The following SANBR variants were observed in gnomAD, a reference collection of about 807,000 sequenced individuals.
SANBR encodes SANT and BTB domain regulator of CSR, also known as SANT and BTB domain regulator of class switch recombination.
Under a neutral mutation model 101.8 loss-of-function variants are expected in SANBR, and 77 were observed. That is an observed-to-expected ratio of 0.76 (90% CI 0.63 to 0.91). The LOEUF (loss-of-function observed/expected upper bound fraction) is 0.91, where lower values mean the gene tolerates loss of function less well. Ranked by LOEUF, SANBR falls within the 40% of genes least tolerant of loss-of-function variation. SANBR has a pLI of 0.00. For synonymous variants in SANBR, 279 were observed against 274.7 expected, an observed-to-expected ratio of 1.02 and a Z score of -0.15; for missense variants, 875 against 853.0, an observed-to-expected ratio of 1.03 and a Z score of -0.32.
Position 61,092,600 on chromosome 2 carries a change from T to A in SANBR, c.1212+13T>A. On this transcript the variant is annotated intron_variant, in intron 11 of 21. Coordinates refer to ENST00000402291, the MANE Select transcript of SANBR (RefSeq NM_001129993.3). Reference sequence around the variant, plus strand: ...AAGATGTTATCAGGTAAGATTTTTTTTTTTAAATATCCTGCTCTGCAAATA... The same window carrying A: ...AAGATGTTATCAGGTAAGATTTTTTATTTTAAATATCCTGCTCTGCAAATA... 1 of 1,570,132 alleles carries A rather than the reference T, an allele frequency of 6.4e-7. No homozygotes were observed. Among genetic ancestry groups the A allele is most frequent in the Non-Finnish European group, 8.6e-7 (1 of 1,163,782 alleles).
chr2:61,083,034 C>A (rs1157588645), intron 7 of SANBR, 120 bp from the exon 8 acceptor site: 10 of 770,762 alleles, frequency 1.3e-5, no homozygotes, highest in Non-Finnish European at 2.1e-5. Context: ...GTGGCAAAAC[C>A]CAGTTAGTGC....
rs868324647 is a variant in SANBR at position 61,116,748 on chromosome 2, T to A, written c.1837-609T>A. ...AGCACAGGCATATAAGTGGGTTAAT[T>A]CTAAAAAAAAATTGTATCAGCTGGC... On this transcript the variant is annotated intron_variant, in intron 17 of 21. Transcript: ENST00000402291. Among the ~76,000 whole-genome samples, 6 of 151,924 alleles carry A rather than the reference T, an allele frequency of 3.9e-5. 1 individual carries two copies. Among genetic ancestry groups the A allele is most frequent in the Middle Eastern group, 3.2e-3 (1 of 316 alleles).
intron 21 of SANBR, among the ~76,000 whole-genome samples, chr2:61,135,252 T>C (rs1028125541): frequency 1.1e-4 from 16 of 152,218 alleles, no homozygotes; most frequent in African/African-American, 3.6e-4. Flanking sequence ...TGTAGGCAAC[T>C]GTCAGAATTA....
rs866446820 is a variant in SANBR, at chr2:61,073,082, A to G, written c.338-376A>G. ...TTCTGCAATTACATTGGAAATAATA[A>G]CTGGTTTTAGAAATCCTCTGAGTGT... On this transcript the variant is annotated intron_variant, in intron 4 of 21. Coordinates refer to ENST00000402291, the MANE Select transcript of SANBR (RefSeq NM_001129993.3). 3.3e-5 allele frequency among the ~76,000 whole-genome samples: 5 copies of G among 152,128 alleles called. No homozygotes were observed. The South Asian group carries it at 8.3e-4, about 25-fold the overall frequency.
chr2:61,132,632 A>G (rs1045086891), intron 20 of SANBR, among the ~76,000 whole-genome samples: 4 of 151,188 alleles, frequency 2.6e-5, no homozygotes, highest in Non-Finnish European at 5.9e-5. Context: ...AGTTAAACAT[A>G]TAGAGTTACC....
rs374065893 is a variant in SANBR at position 61,123,998 on chromosome 2, G to T, written c.*1836G>T. The T allele has an allele frequency of 1.2e-3, 414 of 345,564 alleles. 3 individuals carry two copies. In the Middle Eastern group the frequency reaches 0.027, roughly 23 times the overall value. 21.4% of individuals were successfully genotyped at this position (345,564 alleles called of 1,614,324 possible). A position where few individuals can be genotyped will look rare whatever the true frequency, so the allele number is the denominator to read the frequency against. On this transcript the variant is annotated 3_prime_UTR_variant, in exon 22 of 22. Transcript: ENST00000402291. ...AGTCCCAGCTACTCGGGAGGCTGAG[G>T]CACAAGAATTGTTTGAACCCGGGTG...
intron 8 of SANBR, among the ~76,000 whole-genome samples, chr2:61,087,626 C>T (rs1368876556): frequency 6.6e-6 from 1 of 151,818 alleles, no homozygotes; most frequent in Non-Finnish European, 1.5e-5. Flanking sequence ...CTGAGGTGGG[C>T]GGATCATGAG....
rs747643339 is a variant in SANBR, at chr2:61,106,670, G to T, written c.1611+8G>T. The stretch of plus-strand genomic sequence containing the variant: ...ACTGGGGAGCTCAATGCTGTGAGTA[G>T]TTTTTTTTCACTTATTCTTTATTTA... On this transcript the variant is annotated splice_region_variant and intron_variant, in intron 14 of 21. Transcript: ENST00000402291. 9 of 1,478,702 alleles carry T rather than the reference G, an allele frequency of 6.1e-6. No homozygotes were observed. The Admixed American group carries it at 8.9e-5, about 15-fold the overall frequency. 91.6% of individuals were successfully genotyped at this position (1,478,702 alleles called of 1,614,324 possible). A position where few individuals can be genotyped will look rare whatever the true frequency, so the allele number is the denominator to read the frequency against.
intron 10 of SANBR, among the ~76,000 whole-genome samples, chr2:61,091,381 C>G (rs1415882069): frequency 6.6e-6 from 1 of 151,876 alleles, no homozygotes; most frequent in Non-Finnish European, 1.5e-5. Flanking sequence ...CACCTGAGGT[C>G]AAGAGTTCGG....
intron 8 of SANBR, among the ~76,000 whole-genome samples, chr2:61,085,316 T>C (rs1682365078): frequency 6.6e-6 from 1 of 152,124 alleles, no homozygotes; most frequent in Non-Finnish European, 1.5e-5. Context: ...TTTTGTGGTA[T>C]GAGGTAGGGG....
At chr2:61,078,057 C>G (rs183800873) in intron 6 of SANBR, among the ~76,000 whole-genome samples, 1 of 152,256 alleles carries the variant, frequency 6.6e-6, no homozygotes, top group East Asian at 1.9e-4. Context: ...GATTGGTGGT[C>G]ATATTAATGA....
At chr2:61,088,503 GTATATA>G in intron 10 of SANBR, 35 bp downstream of exon 10, 1 of 1,130,036 alleles carries the variant, frequency 8.8e-7, no homozygotes, top group Non-Finnish European at 1.3e-6. Context: ...ATGTATTTTT[GTATATA>G]TATATATATA....
intron 13 of SANBR, among the ~76,000 whole-genome samples, chr2:61,106,032 C>T (rs553385002): frequency 2.6e-5 from 4 of 152,234 alleles, no homozygotes; most frequent in Non-Finnish European, 4.4e-5. Context: ...AGGTATGATG[C>T]GTCAAGTACA....
intron 20 of SANBR, among the ~76,000 whole-genome samples, chr2:61,132,960 G>A (rs1287825069): frequency 3.3e-5 from 5 of 152,162 alleles, no homozygotes; most frequent in African/African-American, 4.8e-5. Flanking sequence ...ATTATAAATT[G>A]TTAGGGACTG....
intron 11 of SANBR, chr2:61,094,146 G>T: frequency 1.2e-6 from 1 of 841,588 alleles, no homozygotes; most frequent in Non-Finnish European, 1.4e-6. Flanking sequence ...GTTTGTTGAA[G>T]TATTATATAC....
intron 6 of SANBR, among the ~76,000 whole-genome samples, chr2:61,078,006 T>G (rs1343952955): frequency 2.0e-5 from 3 of 152,254 alleles, no homozygotes; most frequent in African/African-American, 7.2e-5. Flanking sequence ...TGCTTCCATG[T>G]GCTTGACAGA....
chr2:61,081,465 C>A lies in SANBR; in HGVS notation c.684C>A (p.Val228=), dbSNP rs1559086387. 2 of 1,568,076 alleles carry A rather than the reference C, an allele frequency of 1.3e-6. No homozygotes were observed. The highest frequency in any genetic ancestry group is 2.4e-5 in the South Asian group (2 of 83,658). Reference sequence around the variant, plus strand: ...TTTTTTTTTTAGAGCCAGGAAATGTCATTTCAATTCTTATTTCTTCGGAGT... The same window carrying A: ...TTTTTTTTTTAGAGCCAGGAAATGTAATTTCAATTCTTATTTCTTCGGAGT... The part of the protein sequence containing the change: ...CEMPTLEPGN[V]ISILISSEFL... Residue 228 remains valine (V), a synonymous_variant, in exon 7 of 22, where the codon GTC becomes GTA. Coordinates refer to ENST00000402291, the MANE Select transcript of SANBR (RefSeq NM_001129993.3).
intron 1 of SANBR, among the ~76,000 whole-genome samples, chr2:61,068,085 G>A (rs1025768415): frequency 6.6e-6 from 1 of 152,076 alleles, no homozygotes; most frequent in African/African-American, 2.4e-5. Context: ...CACACTTTTG[G>A]GGAATCAAAG....
At position 61,071,812 on chromosome 2, in the gene SANBR, T is replaced by G; in HGVS notation, c.337+20T>G. The G allele has an allele frequency of 6.7e-7, 1 of 1,495,292 alleles. No homozygotes were observed. Among genetic ancestry groups the G allele is most frequent in the Non-Finnish European group, 9.1e-7 (1 of 1,093,510 alleles). The allele number at this position is 1,495,292 out of a possible 1,614,324, so 92.6% of individuals were successfully genotyped here. On this transcript the variant is annotated intron_variant, in intron 4 of 21. Coordinates refer to ENST00000402291, the MANE Select transcript of SANBR (RefSeq NM_001129993.3). ...AAACTGGTAAGGTTTTAAACTAAAA[T>G]GTAGTACTTGCCCTTATGAAAATTC...
Sources: allele counts gnomAD v4.1 joint callset (sites outside exome capture counted in the v4.1 genomes callset), GRCh38; gene constraint gnomAD v4.1.1; transcripts MANE v1.5; gene names NCBI Gene and HGNC (gene_info 2026-07-23, HGNC 2026-07-21).